The following ADAMTS17 variants were observed in gnomAD, a reference collection of about 807,000 sequenced individuals.
The protein encoded by ADAMTS17 is ADAM metallopeptidase with thrombospondin type 1 motif 17, also known as A disintegrin and metalloproteinase with thrombospondin motifs 17.
ADAMTS17 carries 113 observed loss-of-function variants against 141.5 expected under a neutral mutation model. The ratio of observed to expected loss-of-function variants is 0.80; its 90% CI spans 0.69 to 0.93. ADAMTS17 has a LOEUF of 0.93. Among genes scored for constraint, ADAMTS17 ranks in the 40% least tolerant of loss-of-function variants. The pLI is 0.00. For synonymous variants in ADAMTS17, 768 were observed against 630.6 expected, an observed-to-expected ratio of 1.22 and a Z score of -3.27; for missense variants, 1,659 against 1,517.9, an observed-to-expected ratio of 1.09 and a Z score of -1.54.
chr15:100,109,061 C>T lies in ADAMTS17; in HGVS notation c.1944G>A (p.Val648=), dbSNP rs758168839. The change falls in exon 14 of 22, where the codon GTG becomes GTA. Residue 648 remains valine (V), a synonymous_variant. Coordinates refer to ENST00000268070, the MANE Select transcript of ADAMTS17 (RefSeq NM_139057.4). ...GTGTACCGTCCAGGACCCTGTCGGC[C>T]ACCAGCAGTGGGGACTCCTTCCCGA... ...SPLGKESPLL[V]ADRVLDGTPC... The T allele has an allele frequency of 3.1e-6, 5 of 1,614,106 alleles. No individual in the cohort carries two copies. The Admixed American group carries it at 8.3e-5, about 27-fold the overall frequency.
chr15:100,073,476 C>G (rs561674015), intron 15 of ADAMTS17, among the ~76,000 whole-genome samples: 1 of 151,768 alleles, frequency 6.6e-6, no homozygotes, highest in Admixed American at 6.6e-5. Flanking sequence ...ATGTTTATTG[C>G]GGCACTATTC....
At chr15:100,024,799 C>T (rs1480539903) in intron 18 of ADAMTS17, among the ~76,000 whole-genome samples, 1 of 152,190 alleles carries the variant, frequency 6.6e-6, no homozygotes, top group Non-Finnish European at 1.5e-5. Context: ...GTCCCTCCAC[C>T]CCACTCCCCT....
Position 100,019,718 on chromosome 15 carries a change from C to A in ADAMTS17, c.2592-22129G>T, listed in dbSNP as rs560415060. 1.3e-3 allele frequency among the ~76,000 whole-genome samples: 195 copies of A among 152,350 alleles called. 1 individual carries two copies. The highest frequency in any genetic ancestry group is 4.5e-3 in the African/African-American group (187 of 41,588). ...AAATGAATCCTAAAACCTTAAGACG[C>A]CTGTGTGGGCCAAGCTACGTCTGCT... On this transcript the variant is annotated intron_variant, in intron 18 of 21. Transcript: ENST00000268070.
intron 12 of ADAMTS17, among the ~76,000 whole-genome samples, chr15:100,120,541 T>G (rs1186371114): frequency 6.6e-6 from 1 of 152,238 alleles, no homozygotes; most frequent in East Asian, 1.9e-4. Context: ...CCCTCCTTTT[T>G]TCTTTTAGGA....
chr15:100,040,096 A>T (rs2031111200), intron 18 of ADAMTS17, among the ~76,000 whole-genome samples: 1 of 152,238 alleles, frequency 6.6e-6, no homozygotes, highest in African/African-American at 2.4e-5. Context: ...GAAGGAGAAA[A>T]GAATCATTCT....
At chr15:100,056,372 C>G (rs959766040) in intron 15 of ADAMTS17, among the ~76,000 whole-genome samples, 1 of 149,406 alleles carries the variant, frequency 6.7e-6, no homozygotes, top group African/African-American at 2.5e-5. Flanking sequence ...CAGCAGTCCC[C>G]AGGACTGCTT....
chr15:100,029,042 G>C (rs896924056), intron 18 of ADAMTS17, among the ~76,000 whole-genome samples: 1 of 152,190 alleles, frequency 6.6e-6, no homozygotes, highest in South Asian at 2.1e-4. Context: ...GCTCCAAACT[G>C]TTTCCTCCCT....
At chr15:100,057,265 G>C (rs2032658554) in intron 15 of ADAMTS17, among the ~76,000 whole-genome samples, 1 of 152,146 alleles carries the variant, frequency 6.6e-6, no homozygotes, top group Non-Finnish European at 1.5e-5. Context: ...AAGAAGGAAG[G>C]GGCTCACTGT....
chr15:100,238,983 C>T (rs538890774), intron 7 of ADAMTS17, among the ~76,000 whole-genome samples: 2 of 152,240 alleles, frequency 1.3e-5, no homozygotes, highest in Admixed American at 1.3e-4. Flanking sequence ...CCCAGGTACT[C>T]GGGAGACTGA....
chr15:100,065,391 C>G (rs754218019), intron 15 of ADAMTS17, among the ~76,000 whole-genome samples: 1 of 152,112 alleles, frequency 6.6e-6, no homozygotes, highest in Non-Finnish European at 1.5e-5. Flanking sequence ...GATCTATAGG[C>G]TATATGAGGT....
At chr15:100,325,258 C>G (rs1481032301) in intron 3 of ADAMTS17, among the ~76,000 whole-genome samples, 1 of 152,148 alleles carries the variant, frequency 6.6e-6, no homozygotes, top group Non-Finnish European at 1.5e-5. Context: ...GCCCACCACT[C>G]CAGAACCCTG....
chr15:100,241,678 G>A (rs2042831924), intron 7 of ADAMTS17, among the ~76,000 whole-genome samples: 1 of 152,176 alleles, frequency 6.6e-6, no homozygotes, highest in Non-Finnish European at 1.5e-5. Context: ...CCACCAGGCA[G>A]AGGGCAGTCA....
chr15:100,332,440 A>AC (rs1244873293), intron 2 of ADAMTS17, among the ~76,000 whole-genome samples: 1 of 151,822 alleles, frequency 6.6e-6, no homozygotes, highest in African/African-American at 2.4e-5. Flanking sequence ...GCGTGGGAGG[A>AC]CCCCCCACCT....
chr15:100,292,450 C>T (rs2044674640), intron 3 of ADAMTS17, among the ~76,000 whole-genome samples: 3 of 150,838 alleles, frequency 2.0e-5, no homozygotes, highest in Admixed American at 2.0e-4. Context: ...GACACTCACC[C>T]CGTGTGAAAT....
At chr15:100,261,433 A>C in intron 6 of ADAMTS17, 46 bp downstream of exon 6, 1 of 1,610,686 alleles carries the variant, frequency 6.2e-7, no homozygotes. Context: ...GAAGGGAAAC[A>C]TCTTTTCCCT....
chr15:100,158,033 C>T (rs943017841), intron 8 of ADAMTS17, among the ~76,000 whole-genome samples: 1 of 152,100 alleles, frequency 6.6e-6, no homozygotes, highest in Non-Finnish European at 1.5e-5. Context: ...GGACTAGAGG[C>T]ACGCGCCAGC....
chr15:100,132,356 G>C (rs1009023848), intron 11 of ADAMTS17, among the ~76,000 whole-genome samples: 1 of 152,236 alleles, frequency 6.6e-6, no homozygotes, highest in South Asian at 2.1e-4. Context: ...TGTAGGGTTT[G>C]GATTTTGCCC....
intron 15 of ADAMTS17, among the ~76,000 whole-genome samples, chr15:100,061,095 C>T (rs573139038): frequency 3.9e-5 from 6 of 152,184 alleles, no homozygotes; most frequent in East Asian, 1.9e-4. Context: ...CACCCCAAGA[C>T]GTTAAACCAA....
intron 4 of ADAMTS17, among the ~76,000 whole-genome samples, chr15:100,275,466 G>A (rs1410351450): frequency 6.6e-6 from 1 of 152,244 alleles, no homozygotes; most frequent in Non-Finnish European, 1.5e-5. Flanking sequence ...TGGCAAAGAA[G>A]CTCCAGCAGC....
Sources: gnomAD v4.1 joint callset for allele counts (sites outside exome capture counted in the v4.1 genomes callset) on GRCh38, gnomAD v4.1.1 for gene constraint, MANE v1.5 for transcripts, NCBI Gene and HGNC (gene_info 2026-07-23, HGNC 2026-07-21) for gene names.